DNMBP: variants seen among roughly 807,000 people sequenced by gnomAD.
DNMBP encodes the protein dynamin-binding protein.
Under a neutral mutation model 150.0 loss-of-function variants are expected in DNMBP, and 87 were observed. That is an observed-to-expected ratio of 0.58 (90% confidence interval 0.49 to 0.69). The LOEUF is 0.69. DNMBP is among the 30% of genes least tolerant of loss of function. DNMBP has a pLI of 0.00. For missense variants in DNMBP, 1,774 were observed against 1,949.0 expected (o/e 0.91, Z 1.69); for synonymous variants, 711 against 750.4 (o/e 0.95, Z 0.86).
At chr10:99,959,299 C>G (rs1357300052) in intron 3 of DNMBP, among the ~76,000 whole-genome samples, 1 of 152,056 alleles carries the variant, frequency 6.6e-6, no homozygotes, top group Admixed American at 6.6e-5. Flanking sequence ...ACAGACACAG[C>G]CCACATAAAC....
rs991226682 is a variant in DNMBP at position 99,969,176 on chromosome 10, C to T, written c.207G>A (p.Arg69=). The T allele has an allele frequency of 1.9e-6, 3 of 1,613,988 alleles. No homozygotes were observed. Among genetic ancestry groups the T allele is most frequent in the African/African-American group, 1.3e-5 (1 of 75,032 alleles). Residue 69 remains arginine (R), a synonymous_variant, in exon 3 of 17, where the codon AGG becomes AGA. Transcript: ENST00000324109. The part of the protein sequence containing the change: ...VTIPSLKEGE[R]LFVCICEFTS... The stretch of plus-strand genomic sequence containing the variant: ...TGAATTCACAAATGCACACAAACAG[C>T]CTCTCTCCCTCTTTTAGACTGGGAA...
chr10:99,943,001 G>C (rs932436736), intron 4 of DNMBP, among the ~76,000 whole-genome samples: 13 of 152,100 alleles, frequency 8.5e-5, no homozygotes, highest in Admixed American at 2.0e-4. Flanking sequence ...CCACAGAATG[G>C]GCCAGGTGTG....
At chr10:99,921,685 C>T (rs779632604) in intron 4 of DNMBP, among the ~76,000 whole-genome samples, 19 of 129,000 alleles carry the variant, frequency 1.5e-4, no homozygotes, top group Non-Finnish European at 2.7e-4. Flanking sequence ...AAAACTCTGT[C>T]TCTACTGAAA....
chr10:99,918,570 A>G (rs971276270), intron 4 of DNMBP, among the ~76,000 whole-genome samples: 1 of 88,748 alleles, frequency 1.1e-5, no homozygotes, highest in Non-Finnish European at 2.4e-5. Context: ...GGAGTCTGCA[A>G]CTTCTTTTTT....
At position 99,956,009 on chromosome 10, in the gene DNMBP, C is replaced by T. The variant is rs2040487899; in HGVS notation, c.1465G>A (p.Val489Ile). 6.2e-7 allele frequency: 1 copy of T among 1,614,142 alleles called. No individual in the cohort carries two copies. The highest frequency in any genetic ancestry group is 8.5e-7 in the Non-Finnish European group (1 of 1,180,030). ...YRGSSVSASR[V>I]VKPRQSSPQL... The stretch of plus-strand genomic sequence containing the variant: ...GGACTTGATTGTCTGGGTTTGACTA[C>T]CCTTGAAGCTGAAACAGAAGAGCCC... Residue 489 changes from valine (V) to isoleucine (I), a missense_variant, in exon 4 of 17, where the codon GTA becomes ATA. By Grantham distance (29) the Val-to-Ile change is conservative. This residue lies in a region of DNMBP where 1,430 missense variants were observed against 1,492.5 expected (regional missense o/e 0.96). Transcript: ENST00000324109.
intron 1 of DNMBP, among the ~76,000 whole-genome samples, chr10:99,997,986 A>G (rs749455422): frequency 8.3e-5 from 12 of 144,660 alleles, no homozygotes; most frequent in Non-Finnish European, 1.4e-4. Context: ...TGTAATCCCC[A>G]GCACTTTGGG....
chr10:99,897,620 T>C (rs2039674704), intron 9 of DNMBP, among the ~76,000 whole-genome samples: 1 of 152,240 alleles, frequency 6.6e-6, no homozygotes, highest in South Asian at 2.1e-4. Context: ...CCGCTTTTTA[T>C]CGTTACTTCT....
At chr10:99,933,623 T>G (rs1022724121) in intron 4 of DNMBP, among the ~76,000 whole-genome samples, 105 of 152,312 alleles carry the variant, frequency 6.9e-4, no homozygotes, top group African/African-American at 2.1e-3. Flanking sequence ...ATTCTTCCCC[T>G]TCACCAAGAG....
intron 6 of DNMBP, among the ~76,000 whole-genome samples, chr10:99,905,603 C>T (rs1413225498): frequency 1.3e-5 from 2 of 152,078 alleles, no homozygotes; most frequent in Non-Finnish European, 2.9e-5. Flanking sequence ...GGGAGGATCA[C>T]TTGAGCCTGG....
rs183760043 is a variant in DNMBP at position 99,955,366 on chromosome 10, C to T, written c.2108G>A (p.Arg703Gln). The part of the protein sequence containing the change: ...LVLVRIEEME[R>Q]DLDMYSRAQE... The stretch of plus-strand genomic sequence containing the variant: ...AGCTCTACTGTACATATCCAAGTCC[C>T]GCTCCATTTCCTCAATCCTCACCAG... Residue 703 changes from arginine (R) to glutamine (Q), a missense_variant, in exon 4 of 17, where the codon CGG becomes CAG. This residue lies in a region of DNMBP where 1,430 missense variants were observed against 1,492.5 expected (regional missense o/e 0.96). Coordinates refer to ENST00000324109, the MANE Select transcript of DNMBP (RefSeq NM_015221.4). The T allele has an allele frequency of 1.9e-5, 31 of 1,614,152 alleles. No homozygotes were observed. Among genetic ancestry groups the T allele is most frequent in the Admixed American group, 8.3e-5 (5 of 60,016 alleles).
intron 4 of DNMBP, among the ~76,000 whole-genome samples, chr10:99,928,587 T>C (rs1044023776): frequency 6.6e-6 from 1 of 152,096 alleles, no homozygotes; most frequent in Non-Finnish European, 1.5e-5. Flanking sequence ...AGAAAAGATA[T>C]AATGGCAAGA....
intron 4 of DNMBP, among the ~76,000 whole-genome samples, chr10:99,936,986 C>T (rs2040241392): frequency 6.6e-6 from 1 of 152,138 alleles, no homozygotes; most frequent in African/African-American, 2.4e-5. Context: ...GCAACCTCTA[C>T]ATCTCCAGGG....
rs1564745688 is a variant in DNMBP, at chr10:99,956,663, G to A, written c.811C>T (p.Arg271Ter). Reference protein sequence around the residue: ...ELDFEVGDKIRILATLEDGWL... With the variant: ...ELDFEVGDKI ...CCATCTTCCAAGGTCGCCAGAATTC[G>A]GATTTTATCCCCGACCTCGAAATCC... Residue 271 changes from arginine (R) to a stop codon, truncating the protein, a stop_gained, in exon 4 of 17, where the codon CGA becomes TGA. Coordinates refer to ENST00000324109, the MANE Select transcript of DNMBP (RefSeq NM_015221.4). LOFTEE classifies it high-confidence loss of function. 3.8e-5 allele frequency: 62 copies of A among 1,613,592 alleles called. No individual in the cohort carries two copies. The highest frequency in any genetic ancestry group is 5.1e-5 in the Non-Finnish European group (60 of 1,179,698).
At position 99,957,215 on chromosome 10, in the gene DNMBP, A is replaced by G. The variant is rs1391181219; in HGVS notation, c.269-10T>C. On this transcript the variant is annotated splice_polypyrimidine_tract_variant and intron_variant, in intron 3 of 16. Transcript: ENST00000324109. Reference sequence around the variant, plus strand: ...AGAATCACCAGGTCACCTAAAGAAAAGAGGAGCAGAGATGGTGACCTCAGT... The same window carrying G: ...AGAATCACCAGGTCACCTAAAGAAAGGAGGAGCAGAGATGGTGACCTCAGT... 8 of 1,594,714 alleles carry G rather than the reference A, an allele frequency of 5.0e-6. No individual in the cohort carries two copies. Among genetic ancestry groups the G allele is most frequent in the Non-Finnish European group, 6.8e-6 (8 of 1,176,266 alleles).
chr10:100,001,576 T>A (rs1388686858), intron 1 of DNMBP, among the ~76,000 whole-genome samples: 1 of 148,544 alleles, frequency 6.7e-6, no homozygotes, highest in Non-Finnish European at 1.5e-5. Context: ...CATGCCCGGC[T>A]AGTTTTTGTA....
intron 16 of DNMBP, 106 bp downstream of exon 16, chr10:99,879,705 G>T: frequency 6.6e-7 from 1 of 1,521,292 alleles, no homozygotes; most frequent in Non-Finnish European, 8.8e-7. Context: ...GCTCATCTCA[G>T]ATCACCCCTA....
intron 4 of DNMBP, among the ~76,000 whole-genome samples, chr10:99,920,562 C>T (rs2040012519): frequency 6.6e-6 from 1 of 152,148 alleles, no homozygotes; most frequent in South Asian, 2.1e-4. Context: ...GAAGGCCTCA[C>T]CCTGCCTCCC....
At chr10:99,928,892 C>T (rs528502809) in intron 4 of DNMBP, among the ~76,000 whole-genome samples, 75 of 152,148 alleles carry the variant, frequency 4.9e-4, no homozygotes, top group African/African-American at 1.8e-3. Flanking sequence ...ACTTGTAATC[C>T]CAGTACTTTG....
chr10:99,957,121 G>A lies in DNMBP; in HGVS notation c.353C>T (p.Ser118Phe). The change falls in exon 4 of 17, where the codon TCT becomes TTT. Residue 118 changes from serine to phenylalanine, a missense_variant. Physicochemically the swap from Ser to Phe is radical, Grantham distance 155 (BLOSUM62 -2). This residue lies in a region of DNMBP where 344 missense variants were observed against 456.6 expected (regional missense o/e 0.75). Coordinates refer to ENST00000324109, the MANE Select transcript of DNMBP (RefSeq NM_015221.4). ...SCWGARGFFP[S>F]SCVRELCLSS... ...GAGGCAGAGCTCGCGGACACATGAAGATGGGAAGAAGCCCCGTGCGCCCCA... is the reference window on the plus strand; with the variant it reads ...GAGGCAGAGCTCGCGGACACATGAAAATGGGAAGAAGCCCCGTGCGCCCCA... 6.2e-7 allele frequency: 1 copy of A among 1,613,752 alleles called. No individual in the cohort carries two copies.
Sources: gnomAD v4.1 joint callset for allele counts (sites outside exome capture counted in the v4.1 genomes callset) on GRCh38, gnomAD v4.1.1 for gene constraint, gnomAD v4.1.1 regional missense constraint, MANE v1.5 for transcripts, NCBI Gene and HGNC (gene_info 2026-07-23, HGNC 2026-07-21) for gene names.